The following TJP1 variants were observed in gnomAD, a reference collection of about 807,000 sequenced individuals.
TJP1 encodes the protein tight junction protein ZO-1.
Under a neutral mutation model 194.2 loss-of-function variants are expected in TJP1, and 43 were observed. The observed-to-expected ratio is 0.22, with a 90% CI of 0.17 to 0.29. TJP1 has a LOEUF of 0.29. Among genes scored for constraint, TJP1 ranks in the 10% least tolerant of loss-of-function variants. The pLI is 1.00. For synonymous variants in TJP1, 801 were observed against 779.0 expected, an observed-to-expected ratio of 1.03 and a Z score of -0.47; for missense variants, 1,971 against 2,185.7, an observed-to-expected ratio of 0.90 and a Z score of 1.96.
intron 2 of TJP1, among the ~76,000 whole-genome samples, chr15:29,913,468 C>T (rs1443872485): frequency 1.3e-5 from 2 of 152,166 alleles, no homozygotes; most frequent in African/African-American, 2.4e-5. Context: ...TTTGTACATA[C>T]ACACATCTTT....
chr15:29,775,505 G>T (rs1003829082), intron 2 of TJP1, among the ~76,000 whole-genome samples: 2 of 152,100 alleles, frequency 1.3e-5, no homozygotes, highest in African/African-American at 2.4e-5. Context: ...CATTAAACTT[G>T]TGAGTGGAAG....
At chr15:29,810,996 C>T (rs1371439095) in intron 1 of TJP1, among the ~76,000 whole-genome samples, 2 of 151,916 alleles carry the variant, frequency 1.3e-5, no homozygotes, top group African/African-American at 4.8e-5. Context: ...AACTCCATGG[C>T]TAAATATATA....
intron 2 of TJP1, among the ~76,000 whole-genome samples, chr15:29,828,574 C>G (rs1252725545): frequency 1.3e-5 from 2 of 152,118 alleles, no homozygotes; most frequent in Non-Finnish European, 1.5e-5. Context: ...TCCTCCTCTC[C>G]CCCCATATGA....
intron 2 of TJP1, among the ~76,000 whole-genome samples, chr15:29,895,112 C>A (rs1052935856): frequency 3.3e-5 from 5 of 152,192 alleles, no homozygotes; most frequent in African/African-American, 4.8e-5. Flanking sequence ...CAAAGTCATT[C>A]TTCCATGTCT....
chr15:29,895,085 A>C (rs1362519994), intron 2 of TJP1, among the ~76,000 whole-genome samples: 1 of 152,106 alleles, frequency 6.6e-6, no homozygotes, highest in Non-Finnish European at 1.5e-5. Context: ...TAGCCCCAAT[A>C]ATCTCGAAAA....
At chr15:29,934,256 C>A (rs573706751) in intron 2 of TJP1, among the ~76,000 whole-genome samples, 1 of 152,260 alleles carries the variant, frequency 6.6e-6, no homozygotes, top group Admixed American at 6.5e-5. Flanking sequence ...AGTAGCTAGT[C>A]AATAAATATT....
At chr15:29,776,679 G>A (rs948715942) in intron 2 of TJP1, among the ~76,000 whole-genome samples, 1 of 151,818 alleles carries the variant, frequency 6.6e-6, no homozygotes, top group Non-Finnish European at 1.5e-5. Flanking sequence ...TTAGTCTTTC[G>A]GAAAATACTG....
At chr15:29,709,702 A>T (rs2042120104) in intron 24 of TJP1, among the ~76,000 whole-genome samples, 1 of 152,242 alleles carries the variant, frequency 6.6e-6, no homozygotes. Context: ...AAACATGATA[A>T]AGGACATCTA....
chr15:29,828,751 T>C (rs367787220), intron 2 of TJP1, among the ~76,000 whole-genome samples: 1 of 115,948 alleles, frequency 8.6e-6, no homozygotes, highest in Admixed American at 9.0e-5. Context: ...TTTTTTTTTT[T>C]GAGGTGGAGT....
intron 8 of TJP1, among the ~76,000 whole-genome samples, chr15:29,743,490 C>T (rs1256286056): frequency 2.6e-5 from 4 of 152,110 alleles, no homozygotes; most frequent in African/African-American, 4.8e-5. Flanking sequence ...CTTTGGGAGG[C>T]CAAGGCAAGA....
rs552502173 is a variant in TJP1 at position 29,734,402 on chromosome 15, A to T, written c.1408-20T>A. The T allele has an allele frequency of 6.4e-7, 1 of 1,552,068 alleles. No homozygotes were observed. Among genetic ancestry groups the T allele is most frequent in the Non-Finnish European group, 8.9e-7 (1 of 1,128,058 alleles). ...GTTTACCTAATAAATAAGATTTCAT[A>T]AATCATTCTTGGCTGTTTAAGAATA... On this transcript the variant is annotated intron_variant, in intron 11 of 27. Transcript: ENST00000614355.
chr15:29,949,567 TTCC>T (rs2055513515), intron 2 of TJP1, among the ~76,000 whole-genome samples: 1 of 10,902 alleles, frequency 9.2e-5, no homozygotes, highest in Non-Finnish European at 1.9e-4. Context: ...CCACCTCCAC[TTCC>T]ACAACCACCA....
At chr15:29,755,704 T>C (rs1401471705) in intron 8 of TJP1, among the ~76,000 whole-genome samples, 1 of 152,214 alleles carries the variant, frequency 6.6e-6, no homozygotes, top group African/African-American at 2.4e-5. Context: ...TGGACTGTTT[T>C]TCTATTTGTG....
At chr15:29,906,996 T>C (rs1007247647) in intron 2 of TJP1, among the ~76,000 whole-genome samples, 13 of 152,192 alleles carry the variant, frequency 8.5e-5, no homozygotes, top group African/African-American at 2.9e-4. Context: ...TTAAAAAGTA[T>C]ATGGTAGCAA....
chr15:29,957,129 G>A (rs1334411416), intron 1 of TJP1, among the ~76,000 whole-genome samples: 5 of 152,096 alleles, frequency 3.3e-5, no homozygotes, highest in Admixed American at 3.3e-4. Flanking sequence ...ATCTAAACAT[G>A]ATAGCACACA....
chr15:29,719,676 C>T, intron 20 of TJP1, 101 bp downstream of exon 20: 1 of 1,447,240 alleles, frequency 6.9e-7, no homozygotes, highest in Non-Finnish European at 9.3e-7. Context: ...TATAAGCCTG[C>T]AGTAAAAAAG....
chr15:29,925,735 T>C (rs550369185), intron 2 of TJP1, among the ~76,000 whole-genome samples: 1 of 152,308 alleles, frequency 6.6e-6, no homozygotes, highest in East Asian at 1.9e-4. Flanking sequence ...AGGTAGACCT[T>C]CCATTTTTAC....
chr15:29,916,031 G>A (rs2054172464), intron 2 of TJP1, among the ~76,000 whole-genome samples: 1 of 152,022 alleles, frequency 6.6e-6, no homozygotes, highest in Admixed American at 6.6e-5. Flanking sequence ...GATCACCTGA[G>A]GTCAGGATTT....
intron 2 of TJP1, among the ~76,000 whole-genome samples, chr15:29,857,642 C>A (rs181022645): frequency 6.6e-6 from 1 of 152,278 alleles, no homozygotes; most frequent in East Asian, 1.9e-4. Flanking sequence ...TCTGTTCCAG[C>A]CTTTTTCCAA....
Sources: gnomAD v4.1 joint callset for allele counts (sites outside exome capture counted in the v4.1 genomes callset) on GRCh38, gnomAD v4.1.1 for gene constraint, MANE v1.5 for transcripts, NCBI Gene and HGNC (gene_info 2026-07-23, HGNC 2026-07-21) for gene names.